The following LINGO2 variants were observed in gnomAD, a reference collection of about 807,000 sequenced individuals.
LINGO2 encodes leucine rich repeat and Ig domain containing 2.
In LINGO2, 14 loss-of-function variants were observed where a neutral mutation model predicts 30.6. That is an observed-to-expected ratio of 0.46 (90% confidence interval 0.30 to 0.72). The LOEUF (loss-of-function observed/expected upper bound fraction) is 0.72. LINGO2 is among the 30% of genes least tolerant of loss of function. The probability of loss-of-function intolerance (pLI) is 0.07; values close to 1 mark genes in which losing one functional copy is unlikely to be tolerated. For synonymous variants in LINGO2, 317 were observed against 288.5 expected (o/e 1.10, Z -1.00); for missense variants, 729 against 751.7 (o/e 0.97, Z 0.35).
chr9:28,894,794 T>C, the LINGO2 span, among the ~76,000 whole-genome samples: 5 of 152,082 alleles, frequency 3.3e-5, no homozygotes, highest in African/African-American at 1.2e-4. Flanking sequence ...TACGAGTACA[T>C]TGTTGAATGA....
At chr9:28,625,730 C>T (rs1175468803) in intron 1 of LINGO2, among the ~76,000 whole-genome samples, 2 of 151,926 alleles carry the variant, frequency 1.3e-5, no homozygotes, top group Non-Finnish European at 2.9e-5. Context: ...TATTCCTGAA[C>T]ATTTGGGTTG....
the LINGO2 span, among the ~76,000 whole-genome samples, chr9:29,064,568 C>G: frequency 1.3e-5 from 2 of 152,006 alleles, no homozygotes; most frequent in East Asian, 3.9e-4. Flanking sequence ...TAACACTCCT[C>G]TAACCTCTTT....
At position 28,567,941 on chromosome 9, in the gene LINGO2, C is replaced by G. The variant is rs184097481; in HGVS notation, c.-364-91916G>C. ...ACTCACTGCTATTTTACAGTCAGTTCGAACAAGCAAAGCTGACTTCCCATC... is the reference window on the plus strand; with the variant it reads ...ACTCACTGCTATTTTACAGTCAGTTGGAACAAGCAAAGCTGACTTCCCATC... On this transcript the variant is annotated intron_variant, in intron 1 of 5. Coordinates refer to ENST00000379992, the Ensembl canonical transcript of LINGO2. Among the ~76,000 whole-genome samples, 3 of 152,142 alleles carry G rather than the reference C, an allele frequency of 2.0e-5. No homozygotes were observed. The East Asian group carries it at 5.8e-4, about 29-fold the overall frequency.
intron 3 of LINGO2, among the ~76,000 whole-genome samples, chr9:28,362,371 T>G (rs1820484717): frequency 6.6e-6 from 1 of 152,056 alleles, no homozygotes; most frequent in African/African-American, 2.4e-5. Context: ...ACAAATAAAA[T>G]TATACAATTA....
intron 3 of LINGO2, among the ~76,000 whole-genome samples, chr9:28,337,216 A>G (rs958159327): frequency 6.6e-6 from 1 of 151,736 alleles, no homozygotes; most frequent in Non-Finnish European, 1.5e-5. Flanking sequence ...TGTATTTTAG[A>G]CATTTTCTAC....
the LINGO2 span, among the ~76,000 whole-genome samples, chr9:28,799,258 A>G: frequency 6.6e-6 from 1 of 152,150 alleles, no homozygotes; most frequent in Non-Finnish European, 1.5e-5. Flanking sequence ...GTGGCACTGC[A>G]GACTGCAACA....
chr9:28,227,301 T>C (rs1821203664), intron 4 of LINGO2, among the ~76,000 whole-genome samples: 1 of 152,070 alleles, frequency 6.6e-6, no homozygotes. Context: ...TTTTACTAAA[T>C]TCCATGGACC....
chr9:28,523,847 G>A (rs1242761435), intron 1 of LINGO2, among the ~76,000 whole-genome samples: 4 of 148,752 alleles, frequency 2.7e-5, no homozygotes, highest in Non-Finnish European at 5.9e-5. Context: ...AATTCCGTAC[G>A]AATTGATCAA....
At chr9:28,489,288 G>A (rs994621626) in intron 1 of LINGO2, among the ~76,000 whole-genome samples, 24 of 152,068 alleles carry the variant, frequency 1.6e-4, no homozygotes, top group South Asian at 1.4e-3. Context: ...TCCTGCCTCA[G>A]CCTTCCAAGT....
the LINGO2 span, among the ~76,000 whole-genome samples, chr9:29,089,871 C>T: frequency 1.3e-5 from 2 of 151,756 alleles, no homozygotes; most frequent in Non-Finnish European, 2.9e-5. Context: ...GTATGTAAAC[C>T]CCGTGAGAAA....
rs73441438 is a variant in LINGO2, at chr9:28,537,272, T to C, written c.-364-61247A>G. ...CAATATATTTCCATTGTTGATACCATGCAGTTGTGGTACTTTTATACATCA... is the reference window on the plus strand; with the variant it reads ...CAATATATTTCCATTGTTGATACCACGCAGTTGTGGTACTTTTATACATCA... On this transcript the variant is annotated intron_variant, in intron 1 of 5. Coordinates refer to ENST00000379992, the Ensembl canonical transcript of LINGO2. Among the ~76,000 whole-genome samples the C allele has an allele frequency of 2.0e-3, 301 of 152,264 alleles. 1 individual carries two copies. Among genetic ancestry groups the C allele is most frequent in the African/African-American group, 6.8e-3 (281 of 41,576 alleles).
At chr9:28,865,511 G>A in the LINGO2 span, among the ~76,000 whole-genome samples, 2 of 152,118 alleles carry the variant, frequency 1.3e-5, no homozygotes, top group African/African-American at 4.8e-5. Context: ...GGCCGGGTGT[G>A]GTGGTTCACG....
chr9:28,527,636 C>T (rs1002953284), intron 1 of LINGO2, among the ~76,000 whole-genome samples: 2 of 152,164 alleles, frequency 1.3e-5, no homozygotes, highest in African/African-American at 2.4e-5. Flanking sequence ...CTTCTGTGTT[C>T]CCCTCACTGC....
chr9:29,016,044 G>T, the LINGO2 span, among the ~76,000 whole-genome samples: 2 of 151,954 alleles, frequency 1.3e-5, no homozygotes, highest in African/African-American at 4.8e-5. Flanking sequence ...ATTGTGCCTT[G>T]CTCAAGGTAT....
At chr9:28,714,531 G>C in the LINGO2 span, among the ~76,000 whole-genome samples, 2 of 152,072 alleles carry the variant, frequency 1.3e-5, no homozygotes, top group Non-Finnish European at 2.9e-5. Flanking sequence ...GAAGATGGCA[G>C]AGCCTTTTCA....
chr9:28,726,205 G>T, the LINGO2 span, among the ~76,000 whole-genome samples: 1 of 152,044 alleles, frequency 6.6e-6, no homozygotes, highest in Admixed American at 6.6e-5. Flanking sequence ...CTCTATGTGT[G>T]AGTCAATTTG....
chr9:28,054,643 A>C (rs1824834592), intron 4 of LINGO2, among the ~76,000 whole-genome samples: 1 of 152,170 alleles, frequency 6.6e-6, no homozygotes, highest in South Asian at 2.1e-4. Context: ...CAGAGCAGGC[A>C]TTAATTTGAC....
the LINGO2 span, among the ~76,000 whole-genome samples, chr9:29,006,237 A>G: frequency 5.9e-5 from 9 of 151,982 alleles, no homozygotes; most frequent in African/African-American, 2.2e-4. Flanking sequence ...TTTAGTATTC[A>G]AACAAACGGG....
the LINGO2 span, among the ~76,000 whole-genome samples, chr9:28,958,189 T>C: frequency 6.6e-6 from 1 of 152,168 alleles, no homozygotes; most frequent in East Asian, 1.9e-4. Flanking sequence ...CATTGTTAAC[T>C]GGATGAGTCT....
Sources: gnomAD v4.1 joint callset for allele counts (sites outside exome capture counted in the v4.1 genomes callset) on GRCh38, gnomAD v4.1.1 for gene constraint, MANE v1.5 for transcripts, NCBI Gene and HGNC (gene_info 2026-07-23, HGNC 2026-07-21) for gene names.